STK3: variants seen among roughly 807,000 people sequenced by gnomAD.
STK3 encodes serine/threonine kinase 3.
Under a neutral mutation model 58.0 loss-of-function variants are expected in STK3, and 41 were observed. That is an observed-to-expected ratio of 0.71 (90% CI 0.55 to 0.92). The LOEUF is 0.92. Ranked by LOEUF, STK3 falls within the 40% of genes least tolerant of loss-of-function variation. The pLI, the probability that STK3 is intolerant of heterozygous loss-of-function variation, is 0.00. For missense variants in STK3, 479 were observed against 602.7 expected (o/e 0.79, Z 2.15); for synonymous variants, 170 against 191.0 (o/e 0.89, Z 0.91).
chr8:98,464,609 A>T (rs184548540), intron 10 of STK3, among the ~76,000 whole-genome samples: 5 of 151,612 alleles, frequency 3.3e-5, no homozygotes, highest in African/African-American at 4.8e-5. Flanking sequence ...TTCATATATT[A>T]AGGCATTTTC....
intron 3 of STK3, chr8:98,413,276 A>C: frequency 2.5e-6 from 1 of 392,966 alleles, no homozygotes; most frequent in South Asian, 2.1e-5. Context: ...TGGCTTCCCA[A>C]AGTATTGGGA....
intron 4 of STK3, among the ~76,000 whole-genome samples, chr8:98,710,427 C>T (rs1587378611): frequency 6.6e-6 from 1 of 152,312 alleles, no homozygotes; most frequent in Non-Finnish European, 1.5e-5. Flanking sequence ...CCTGGAAAAT[C>T]AGGTCACTCC....
intron 1 of STK3, among the ~76,000 whole-genome samples, chr8:98,787,506 T>C (rs1484505586): frequency 1.3e-5 from 2 of 152,146 alleles, no homozygotes; most frequent in African/African-American, 2.4e-5. Flanking sequence ...CTGGAAAATA[T>C]ATTTGGGGGA....
chr8:98,475,567 C>T (rs77830341), intron 10 of STK3, among the ~76,000 whole-genome samples: 87 of 152,228 alleles, frequency 5.7e-4, no homozygotes, highest in African/African-American at 1.9e-3. Flanking sequence ...AGAACAGACT[C>T]CATGTACTAT....
chr8:98,655,165 C>G (rs1245263023), intron 6 of STK3, among the ~76,000 whole-genome samples: 2 of 151,950 alleles, frequency 1.3e-5, no homozygotes, highest in Non-Finnish European at 2.9e-5. Flanking sequence ...GAACAGAGCC[C>G]TCAGAAATAA....
intron 3 of STK3, among the ~76,000 whole-genome samples, chr8:98,404,161 T>C (rs1189493516): frequency 2.0e-5 from 3 of 152,204 alleles, no homozygotes; most frequent in Admixed American, 6.5e-5. Flanking sequence ...AACCCTGTCC[T>C]TTTGCCAGAA....
chr8:98,834,005 G>A (rs1027241267), intron 3 of STK3, among the ~76,000 whole-genome samples: 2 of 152,066 alleles, frequency 1.3e-5, no homozygotes, highest in Non-Finnish European at 2.9e-5. Context: ...TGAGGGATGT[G>A]AATCTTTAAA....
intron 1 of STK3, among the ~76,000 whole-genome samples, chr8:98,808,465 T>C (rs761148969): frequency 1.3e-5 from 2 of 152,248 alleles, no homozygotes; most frequent in Non-Finnish European, 2.9e-5. Flanking sequence ...CTGCTAAGGA[T>C]GTCTCTTCAG....
rs1455249552 is a variant in STK3, at chr8:98,638,744, AAGAG to A, written c.685-42579_685-42576del. ...AGGACAGAGGACAGCAACACCAGCA[AAGAG>A]ACAGGCAGCAGTGGGGTCAGAGCAT... is the stretch of plus-strand genomic sequence containing the variant. On this transcript the variant is annotated intron_variant, in intron 6 of 10. Transcript: ENST00000419617. 3.3e-5 allele frequency among the ~76,000 whole-genome samples: 5 copies of A among 152,328 alleles called. No homozygotes were observed. In the South Asian group the frequency reaches 1.0e-3, roughly 32 times the overall value.
At chr8:98,609,993 CAT>C (rs1039043263) in intron 6 of STK3, among the ~76,000 whole-genome samples, 2 of 150,348 alleles carry the variant, frequency 1.3e-5, no homozygotes, top group Non-Finnish European at 3.0e-5. Flanking sequence ...AAATAATTGA[CAT>C]ATATCAGATA....
intron 4 of STK3, among the ~76,000 whole-genome samples, chr8:98,731,046 C>T (rs866459349): frequency 5.3e-5 from 8 of 152,096 alleles, no homozygotes; most frequent in East Asian, 1.9e-4. Context: ...ACATATTCAA[C>T]GACAGGAGAT....
intron 8 of STK3, among the ~76,000 whole-genome samples, chr8:98,574,539 T>C (rs1237632976): frequency 2.0e-5 from 3 of 152,158 alleles, no homozygotes; most frequent in Admixed American, 6.5e-5. Context: ...GAGGCCAAAA[T>C]CAGGGAAACA....
chr8:98,397,474 T>G (rs940783875), downstream of STK3, among the ~76,000 whole-genome samples: 1 of 152,078 alleles, frequency 6.6e-6, no homozygotes, highest in Admixed American at 6.6e-5. Flanking sequence ...AGGTCAAGGC[T>G]GCAGTGAGCC....
chr8:98,502,981 C>T (rs1338834205), intron 10 of STK3, among the ~76,000 whole-genome samples: 2 of 152,154 alleles, frequency 1.3e-5, no homozygotes, highest in Non-Finnish European at 2.9e-5. Context: ...AGGAATGGTA[C>T]CAGCTCTTCT....
downstream of STK3, among the ~76,000 whole-genome samples, chr8:98,453,594 CATAG>C (rs1273268177): frequency 6.6e-6 from 1 of 152,088 alleles, no homozygotes; most frequent in Admixed American, 6.5e-5. Context: ...CTTAAATAGA[CATAG>C]ATATAATAGG....
intron 6 of STK3, among the ~76,000 whole-genome samples, chr8:98,699,726 T>C (rs1165815804): frequency 4.6e-5 from 7 of 152,176 alleles, no homozygotes; most frequent in Non-Finnish European, 7.3e-5. Flanking sequence ...TCTGGAAGTT[T>C]TGTCTCAGAG....
chr8:98,560,685 C>T (rs1174760632), intron 8 of STK3, among the ~76,000 whole-genome samples: 1 of 152,074 alleles, frequency 6.6e-6, no homozygotes, highest in East Asian at 1.9e-4. Flanking sequence ...ACAAAATGAT[C>T]CTTTCTATGG....
downstream of STK3, among the ~76,000 whole-genome samples, chr8:98,401,172 C>T (rs147516030): frequency 8.1e-3 from 1,235 of 152,202 alleles, 12 homozygotes; most frequent in Non-Finnish European, 0.011. Context: ...CAGCACCATG[C>T]AGAGACCACA....
rs1452807387 is a variant in STK3, at chr8:98,477,707, GGGGGGGGGGTGGGC to G, written c.1318-21721_1318-21708del. ...CGCATAATCATCACACTTGGCGGGG[GGGGGGGGGGTGGGC>G]GGGGGGGGGCCCTAATGAAGGCAAG... On this transcript the variant is annotated intron_variant, in intron 10 of 10. Transcript: ENST00000419617. Among the ~76,000 whole-genome samples the G allele has an allele frequency of 9.0e-5, 7 of 77,990 alleles. 1 individual carries two copies. The highest frequency in any genetic ancestry group is 2.3e-4 in the African/African-American group (5 of 21,386). The allele number at this position is 77,990 out of a possible 152,430, so 51.2% of individuals were successfully genotyped here.
Sources: allele counts gnomAD v4.1 joint callset (sites outside exome capture counted in the v4.1 genomes callset), GRCh38; gene constraint gnomAD v4.1.1; transcripts MANE v1.5; gene names NCBI Gene and HGNC (gene_info 2026-07-23, HGNC 2026-07-21).